Variants in TRIM26 observed in about 807,000 individuals in gnomAD.
TRIM26 encodes the protein tripartite motif containing 26.
In TRIM26, 16 loss-of-function variants were observed where a neutral mutation model predicts 45.5. The ratio of observed to expected loss-of-function variants is 0.35; its 90% CI spans 0.24 to 0.53. TRIM26 has a LOEUF of 0.53. TRIM26 is among the 20% of genes least tolerant of loss of function. The pLI is 0.92. For missense variants in TRIM26, 442 were observed against 691.1 expected, an observed-to-expected ratio of 0.64 and a Z score of 4.04; for synonymous variants, 273 against 290.4, an observed-to-expected ratio of 0.94 and a Z score of 0.61.
chr6:30,208,655 A>G (rs917411088), intron 1 of TRIM26, among the ~76,000 whole-genome samples: 2 of 152,038 alleles, frequency 1.3e-5, no homozygotes, highest in African/African-American at 2.4e-5. Context: ...ACTGATAGCC[A>G]TATGAGTTGT....
At position 30,186,065 on chromosome 6, in the gene TRIM26, C is replaced by T. The variant is rs752305028; in HGVS notation, c.1431G>A (p.Glu477=). ...SSGIWANTSP[E]AELFPALRPR... ...GCCGCAGTGCTGGGAAAAGCTCAGC[C>T]TCGGGGCTGGTGTTGGCCCAGATGC... The change falls in exon 10 of 10, where the codon GAG becomes GAA. Residue 477 remains glutamate (E), a synonymous_variant. Transcript: ENST00000454678. This position sits in a 1 kb window ranked among gnomAD's most constrained non-coding sequence, Gnocchi z 7.4. The T allele has an allele frequency of 5.0e-6, 8 of 1,598,606 alleles. No homozygotes were observed. In the Admixed American group the frequency reaches 1.2e-4, roughly 24 times the overall value.
chr6:30,201,662 G>A (rs575868159), intron 2 of TRIM26, among the ~76,000 whole-genome samples: 3 of 152,140 alleles, frequency 2.0e-5, no homozygotes, highest in Admixed American at 2.0e-4. Flanking sequence ...TGGCTAACAC[G>A]GTGAAACCCC....
intron 1 of TRIM26, among the ~76,000 whole-genome samples, chr6:30,213,049 C>G (rs1255864704): frequency 6.6e-6 from 1 of 152,136 alleles, no homozygotes; most frequent in Non-Finnish European, 1.5e-5. Flanking sequence ...GTTCCGCAGA[C>G]TAGAATGGAT....
intron 6 of TRIM26, among the ~76,000 whole-genome samples, chr6:30,193,014 G>A (rs1776008999): frequency 6.8e-6 from 1 of 147,980 alleles, no homozygotes; most frequent in Non-Finnish European, 1.5e-5. Flanking sequence ...TGGTCTATGT[G>A]TCTGCTTTTA....
Position 30,189,973 on chromosome 6 carries a change from A to G in TRIM26, c.788+40T>C. The G allele has an allele frequency of 6.2e-7, 1 of 1,612,290 alleles. No individual in the cohort carries two copies. Among genetic ancestry groups the G allele is most frequent in the Non-Finnish European group, 8.5e-7 (1 of 1,179,368 alleles). On this transcript the variant is annotated intron_variant, in intron 7 of 9. Transcript: ENST00000454678. This position sits in a 1 kb window ranked among gnomAD's most constrained non-coding sequence, Gnocchi z 5.0. The stretch of plus-strand genomic sequence containing the variant: ...TGGTCAGAAGCGGGGGAACATAAAC[A>G]AGGGGGATGAGGTACGCCATGGAGA...
chr6:30,190,060 A>G lies in TRIM26; in HGVS notation c.766-25T>C, dbSNP rs753151120. The G allele has an allele frequency of 6.2e-7, 1 of 1,612,618 alleles. No individual in the cohort carries two copies. The highest frequency in any genetic ancestry group is 1.7e-5 in the Admixed American group (1 of 60,026). On this transcript the variant is annotated intron_variant, in intron 6 of 9. Coordinates refer to ENST00000454678, the MANE Select transcript of TRIM26 (RefSeq NM_003449.5). This position sits in a 1 kb window ranked among gnomAD's most constrained non-coding sequence, Gnocchi z 4.3. ...CCTAGAAGGGAAAGAAAAAAGCACAAGTATCAATATGAATCAAATAAGACT... is the reference window on the plus strand; with the variant it reads ...CCTAGAAGGGAAAGAAAAAAGCACAGGTATCAATATGAATCAAATAAGACT...
At chr6:30,205,262 A>G (rs1777612539) in intron 1 of TRIM26, among the ~76,000 whole-genome samples, 1 of 152,244 alleles carries the variant, frequency 6.6e-6, no homozygotes, top group South Asian at 2.1e-4. Context: ...AAATGAAAAA[A>G]TAAACCAGAA....
chr6:30,190,824 C>CA lies in TRIM26; in HGVS notation c.766-790dup, dbSNP rs2127489967. Among the ~76,000 whole-genome samples the CA allele has an allele frequency of 6.6e-6, 1 of 152,306 alleles. No homozygotes were observed. Among genetic ancestry groups the CA allele is most frequent in the African/African-American group, 2.4e-5 (1 of 41,562 alleles). On this transcript the variant is annotated intron_variant, in intron 6 of 9. Transcript: ENST00000454678. This position sits in a 1 kb window ranked among gnomAD's most constrained non-coding sequence, Gnocchi z 4.3. ...GTGGAAGAACCACATGGAAGTAACCCAGTCCCTTGGATAAGCTTATGTACA... is the reference window on the plus strand; with the variant it reads ...GTGGAAGAACCACATGGAAGTAACCCAAGTCCCTTGGATAAGCTTATGTACA...
At position 30,189,394 on chromosome 6, in the gene TRIM26, C is replaced by T. The variant is rs749522369; in HGVS notation, c.904+24G>A. 2 of 1,611,026 alleles carry T rather than the reference C, an allele frequency of 1.2e-6. No homozygotes were observed. Among genetic ancestry groups the T allele is most frequent in the Admixed American group, 3.3e-5 (2 of 60,018 alleles). On this transcript the variant is annotated intron_variant, in intron 8 of 9. Transcript: ENST00000454678. This position sits in a 1 kb window ranked among gnomAD's most constrained non-coding sequence, Gnocchi z 5.0. ...AGGTAGCCCTGCTCTGACTCCCACC[C>T]TTTGTGCGCTCCCCAACCCTTACCC...
chr6:30,188,254 C>CAGA (rs1364409572), intron 9 of TRIM26: 3 of 262,532 alleles, frequency 1.1e-5, no homozygotes, highest in Middle Eastern at 1.7e-3. Context: ...AAATTTGGGA[C>CAGA]AGATGTGGCC....
In TRIM26 at chr6:30,196,732, G is replaced by A. The variant is rs762337023; in HGVS notation, c.549C>T (p.Asp183=). 2.9e-5 allele frequency: 47 copies of A among 1,614,072 alleles called. No individual in the cohort carries two copies. In the South Asian group the frequency reaches 5.2e-4, roughly 18 times the overall value. The change falls in exon 6 of 10, where the codon GAC becomes GAT. Residue 183 remains aspartate, a synonymous_variant. Coordinates refer to ENST00000454678, the MANE Select transcript of TRIM26 (RefSeq NM_003449.5). The surrounding 1 kb of genome is among the most constrained non-coding windows in gnomAD (Gnocchi z 4.9). ...DILAALKKLQ[D]QRQYIVAEFE... ...ACTCAGCCACAATGTACTGCCTCTG[G>A]TCCTGGAGCTTCTTCTGCAGGGGGC...
chr6:30,186,042 C>A lies in TRIM26; in HGVS notation c.1454G>T (p.Arg485Leu). ...CAGGGCGATGCCCACTCTCCGGGGC[C>A]GCAGTGCTGGGAAAAGCTCAGCCTC... ...SPEAELFPAL[R>L]PRRVGIALDY... The change falls in exon 10 of 10, where the codon CGG (arginine) becomes CTG (leucine). Residue 485 changes from arginine (R) to leucine (L), a missense_variant. Coordinates refer to ENST00000454678, the MANE Select transcript of TRIM26 (RefSeq NM_003449.5). The surrounding 1 kb of genome is among the most constrained non-coding windows in gnomAD (Gnocchi z 7.4). 2 of 1,605,200 alleles carry A rather than the reference C, an allele frequency of 1.2e-6. No homozygotes were observed. Among genetic ancestry groups the A allele is most frequent in the East Asian group, 2.2e-5 (1 of 44,478 alleles).
Position 30,198,389 on chromosome 6 carries a change from G to A in TRIM26, c.534+40C>T. On this transcript the variant is annotated intron_variant, in intron 5 of 9. Coordinates refer to ENST00000454678, the MANE Select transcript of TRIM26 (RefSeq NM_003449.5). This position sits in a 1 kb window ranked among gnomAD's most constrained non-coding sequence, Gnocchi z 6.3. ...GCCCAGGCTCACCCTGCCCTACACG[G>A]GCGCACCGCCTCAGGGCTTCCTGAA... 6.2e-7 allele frequency: 1 copy of A among 1,609,904 alleles called. No individual in the cohort carries two copies.
chr6:30,194,895 C>A (rs769970244), intron 6 of TRIM26, among the ~76,000 whole-genome samples: 25 of 151,928 alleles, frequency 1.6e-4, no homozygotes, highest in East Asian at 3.9e-4. Flanking sequence ...GACTCTGTCT[C>A]AAAAATAAAC....
Position 30,207,146 on chromosome 6 carries a change from G to A in TRIM26, c.-375-2381C>T, listed in dbSNP as rs1436300269. 4.6e-5 allele frequency among the ~76,000 whole-genome samples: 7 copies of A among 152,336 alleles called. No individual in the cohort carries two copies. The East Asian group carries it at 1.3e-3, about 29-fold the overall frequency. ...GAGTGCAGTGAGGCGAGCAGAGGAA[G>A]GGTGGAGAAACAGGAGGGAACAGAT... On this transcript the variant is annotated intron_variant, in intron 1 of 9. Coordinates refer to ENST00000454678, the MANE Select transcript of TRIM26 (RefSeq NM_003449.5). The surrounding 1 kb of genome is among the most constrained non-coding windows in gnomAD (Gnocchi z 4.9).
chr6:30,192,750 T>A (rs1775984556), intron 6 of TRIM26, among the ~76,000 whole-genome samples: 1 of 152,088 alleles, frequency 6.6e-6, no homozygotes, highest in African/African-American at 2.4e-5. Context: ...GACAGCCAAA[T>A]AATCTCTGGG....
intron 2 of TRIM26, 149 bp downstream of exon 2, chr6:30,204,507 T>C (rs934046293): frequency 1.3e-5 from 2 of 152,208 alleles, no homozygotes; most frequent in African/African-American, 2.4e-5. Flanking sequence ...TTCTTAGTGA[T>C]AGAGGATCTC....
intron 2 of TRIM26, among the ~76,000 whole-genome samples, chr6:30,202,510 A>G (rs2517609): frequency 0.077 from 11,688 of 152,296 alleles, 562 homozygotes; most frequent in Non-Finnish European, 0.11. Flanking sequence ...TTCATAAGGA[A>G]GAGATCCAGT....
Position 30,186,067 on chromosome 6 carries a change from C to A in TRIM26, c.1429G>T (p.Glu477Ter). The A allele has an allele frequency of 6.3e-7, 1 of 1,597,834 alleles. No individual in the cohort carries two copies. Among genetic ancestry groups the A allele is most frequent in the East Asian group, 2.3e-5 (1 of 43,974 alleles). ...SSGIWANTSP[E>*]AELFPALRPR... ...CGCAGTGCTGGGAAAAGCTCAGCCT[C>A]GGGGCTGGTGTTGGCCCAGATGCCG... The change falls in exon 10 of 10, where the codon GAG becomes TAG. Residue 477 changes from glutamate to a stop codon, truncating the protein, a stop_gained. Coordinates refer to ENST00000454678, the MANE Select transcript of TRIM26 (RefSeq NM_003449.5). LOFTEE classifies it high-confidence loss of function. This position sits in a 1 kb window ranked among gnomAD's most constrained non-coding sequence, Gnocchi z 7.4.
Sources: gnomAD v4.1 joint callset for allele counts (sites outside exome capture counted in the v4.1 genomes callset) on GRCh38, gnomAD v4.1.1 for gene constraint, Gnocchi (gnomAD v3.1) non-coding constraint, MANE v1.5 for transcripts, NCBI Gene and HGNC (gene_info 2026-07-23, HGNC 2026-07-21) for gene names.